The following PRKD1 variants were observed in gnomAD, a reference collection of about 807,000 sequenced individuals.
PRKD1 encodes the protein serine/threonine-protein kinase D1.
A neutral mutation model predicts 95.9 loss-of-function variants in PRKD1; 63 were observed. The ratio of observed to expected loss-of-function variants is 0.66; its 90% CI spans 0.54 to 0.81. The LOEUF (loss-of-function observed/expected upper bound fraction) is 0.81. Among genes scored for constraint, PRKD1 ranks in the 30% least tolerant of loss-of-function variants. The probability of loss-of-function intolerance (pLI) is 0.00; values close to 1 mark genes in which losing one functional copy is unlikely to be tolerated. For synonymous variants in PRKD1, 425 were observed against 423.1 expected, an observed-to-expected ratio of 1.00 and a Z score of -0.05; for missense variants, 1,048 against 1,165.3, an observed-to-expected ratio of 0.90 and a Z score of 1.47.
At chr14:29,642,784 G>A (rs565075387) in intron 4 of PRKD1, among the ~76,000 whole-genome samples, 130 of 152,028 alleles carry the variant, frequency 8.6e-4, no homozygotes, top group African/African-American at 2.8e-3. Context: ...CTTCCTTACC[G>A]TCAACACTAT....
chr14:29,710,683 C>T (rs1447040791), intron 2 of PRKD1, among the ~76,000 whole-genome samples: 1 of 152,056 alleles, frequency 6.6e-6, no homozygotes. Flanking sequence ...AAGTTCAAAT[C>T]ATATACCAAT....
intron 2 of PRKD1, among the ~76,000 whole-genome samples, chr14:29,714,097 A>G (rs936820679): frequency 6.6e-6 from 1 of 152,202 alleles, no homozygotes; most frequent in Non-Finnish European, 1.5e-5. Context: ...TATTAAAAGC[A>G]GTCTACAAAT....
chr14:29,919,985 A>AG (rs1491472160), intron 1 of PRKD1, among the ~76,000 whole-genome samples: 1,829 of 146,352 alleles, frequency 0.012, 73 homozygotes, highest in African/African-American at 0.044. Flanking sequence ...AGAGAGAGAG[A>AG]AAGAGAGGAA....
intron 1 of PRKD1, among the ~76,000 whole-genome samples, chr14:29,922,446 A>AAGGATAAGGAGG (rs1895152375): frequency 6.6e-6 from 1 of 152,216 alleles, no homozygotes; most frequent in Non-Finnish European, 1.5e-5. Context: ...TGGAGGCTAT[A>AAGGATAAGGAGG]CAAGGATAAG....
chr14:29,755,777 C>T (rs1379752410), intron 1 of PRKD1, among the ~76,000 whole-genome samples: 4 of 152,146 alleles, frequency 2.6e-5, no homozygotes, highest in Admixed American at 2.6e-4. Flanking sequence ...TTTCTACTTG[C>T]TCTCATATGT....
intron 1 of PRKD1, among the ~76,000 whole-genome samples, chr14:29,847,859 G>A (rs190602816): frequency 0.012 from 1,897 of 152,036 alleles, 37 homozygotes; most frequent in African/African-American, 0.044. Context: ...GCATGCATGC[G>A]TGTTCTCTCT....
intron 1 of PRKD1, among the ~76,000 whole-genome samples, chr14:29,923,292 A>G (rs1463758004): frequency 6.6e-6 from 1 of 151,982 alleles, no homozygotes; most frequent in Non-Finnish European, 1.5e-5. Context: ...TAAATCAGAA[A>G]TCAGTAGACA....
chr14:29,673,095 T>C (rs1358800003), intron 2 of PRKD1, among the ~76,000 whole-genome samples: 1 of 152,164 alleles, frequency 6.6e-6, no homozygotes, highest in Non-Finnish European at 1.5e-5. Flanking sequence ...ACATCTGCTT[T>C]AGAAGCAGCA....
chr14:29,582,026 T>A (rs905892389), intron 16 of PRKD1, among the ~76,000 whole-genome samples: 13 of 152,114 alleles, frequency 8.5e-5, no homozygotes, highest in Admixed American at 2.6e-4. Flanking sequence ...TATTTTAGGC[T>A]ATTTTTTTTT....
At chr14:29,854,811 G>C (rs1892435748) in intron 1 of PRKD1, among the ~76,000 whole-genome samples, 1 of 152,166 alleles carries the variant, frequency 6.6e-6, no homozygotes, top group Non-Finnish European at 1.5e-5. Context: ...GCAGCCTAGG[G>C]ACTTAGTGCC....
At chr14:29,721,442 A>G (rs887768171) in intron 2 of PRKD1, among the ~76,000 whole-genome samples, 14 of 152,226 alleles carry the variant, frequency 9.2e-5, no homozygotes, top group African/African-American at 3.1e-4. Flanking sequence ...TACAAGATAC[A>G]CACACATATA....
chr14:29,616,731 G>A (rs1434751739), intron 13 of PRKD1, among the ~76,000 whole-genome samples: 1 of 152,170 alleles, frequency 6.6e-6, no homozygotes, highest in Non-Finnish European at 1.5e-5. Context: ...AGGTTCTAGA[G>A]GGGGATCTCT....
rs45493496 is a variant in PRKD1, at chr14:29,838,279, TA to T, written c.264+88969del. ...TTAGAAATCACTTATCTTTTTTAAT[TA>T]AAAAAATACAAAATAGAAAACTGCA... On this transcript the variant is annotated intron_variant, in intron 1 of 17. Coordinates refer to ENST00000331968, the MANE Select transcript of PRKD1 (RefSeq NM_002742.3). Among the ~76,000 whole-genome samples the T allele has an allele frequency of 9.8e-3, 1,495 of 152,090 alleles. 28 individuals are homozygous for T. Among genetic ancestry groups the T allele is most frequent in the African/African-American group, 0.034 (1,424 of 41,496 alleles).
chr14:29,675,786 A>G (rs538151250), intron 2 of PRKD1, among the ~76,000 whole-genome samples: 21 of 152,204 alleles, frequency 1.4e-4, no homozygotes, highest in African/African-American at 5.1e-4. Flanking sequence ...ACACCATGGA[A>G]TACTATGCCA....
intron 16 of PRKD1, chr14:29,591,318 A>T (rs1893120439): frequency 6.6e-6 from 1 of 152,208 alleles, no homozygotes. Context: ...AAGATACAAA[A>T]ATATTTTAGA....
At chr14:29,597,442 TA>T (rs1566475169) in intron 16 of PRKD1, 48 bp downstream of exon 16, 3 of 1,452,924 alleles carry the variant, frequency 2.1e-6, no homozygotes, top group East Asian at 2.3e-5. Context: ...ATTAATAACA[TA>T]AACAAATAAG....
At chr14:29,844,920 T>C (rs137865763) in intron 1 of PRKD1, among the ~76,000 whole-genome samples, 82 of 152,214 alleles carry the variant, frequency 5.4e-4, no homozygotes, top group African/African-American at 1.8e-3. Context: ...AGGCACCCCT[T>C]TGCTGTTAAG....
intron 1 of PRKD1, among the ~76,000 whole-genome samples, chr14:29,746,828 T>A (rs1329839958): frequency 2.6e-5 from 4 of 152,210 alleles, no homozygotes; most frequent in African/African-American, 9.7e-5. Flanking sequence ...AGTTATAAAA[T>A]GATTCACTTT....
chr14:29,913,696 C>G (rs1305659760), intron 1 of PRKD1, among the ~76,000 whole-genome samples: 1 of 152,194 alleles, frequency 6.6e-6, no homozygotes, highest in African/African-American at 2.4e-5. Context: ...AAAGGTTGCT[C>G]TGAAGTTAAT....
Sources: gnomAD v4.1 joint callset for allele counts (sites outside exome capture counted in the v4.1 genomes callset) on GRCh38, gnomAD v4.1.1 for gene constraint, MANE v1.5 for transcripts, NCBI Gene and HGNC (gene_info 2026-07-23, HGNC 2026-07-21) for gene names.